The following MTUS2 variants were observed in gnomAD, a reference collection of about 807,000 sequenced individuals.
MTUS2 encodes the protein microtubule-associated tumor suppressor candidate 2.
In MTUS2, 40 loss-of-function variants were observed where a neutral mutation model predicts 114.1. That is an observed-to-expected ratio of 0.35 (90% confidence interval 0.27 to 0.46). MTUS2 has a LOEUF of 0.46. Ranked by LOEUF, MTUS2 falls within the 20% of genes least tolerant of loss-of-function variation. The pLI, the probability that MTUS2 is intolerant of heterozygous loss-of-function variation, is 1.00. For synonymous variants in MTUS2, 688 were observed against 672.0 expected (o/e 1.02, Z -0.37); for missense variants, 1,679 against 1,705.4 (o/e 0.98, Z 0.27).
chr13:29,504,015 T>C lies in MTUS2; in HGVS notation c.*809T>C, dbSNP rs1883078133. On this transcript the variant is annotated 3_prime_UTR_variant, in exon 16 of 16. Coordinates refer to ENST00000612955, the MANE Select transcript of MTUS2 (RefSeq NM_001033602.4). ...GACAGTGACTCATCTCTGATAGTCTTGTAAACACAAGTTTTGCTTTTTTCC... is the reference window on the plus strand; with the variant it reads ...GACAGTGACTCATCTCTGATAGTCTCGTAAACACAAGTTTTGCTTTTTTCC... 8.6e-6 allele frequency: 2 copies of C among 232,004 alleles called. No individual in the cohort carries two copies. The highest frequency in any genetic ancestry group is 1.7e-5 in the Non-Finnish European group (2 of 117,282). The allele number at this position is 232,004 out of a possible 1,614,324, so 14.4% of individuals were successfully genotyped here. A position where few individuals can be genotyped will look rare whatever the true frequency, so the allele number is the denominator to read the frequency against.
intron 2 of MTUS2, among the ~76,000 whole-genome samples, chr13:29,009,280 C>T (rs919656086): frequency 6.6e-6 from 1 of 151,980 alleles, no homozygotes; most frequent in Non-Finnish European, 1.5e-5. Context: ...GAATACTACT[C>T]AGCAATAAAG....
chr13:29,469,078 G>C (rs932695943), intron 9 of MTUS2, among the ~76,000 whole-genome samples: 1 of 152,186 alleles, frequency 6.6e-6, no homozygotes, highest in African/African-American at 2.4e-5. Context: ...TACTGAAGGT[G>C]CCCAACCTCC....
intron 6 of MTUS2, among the ~76,000 whole-genome samples, chr13:29,302,818 T>C (rs958714214): frequency 3.7e-4 from 57 of 152,238 alleles, no homozygotes; most frequent in African/African-American, 1.4e-3. Flanking sequence ...ACTGCTTCTT[T>C]GGGTGGATCC....
chr13:29,214,319 C>T (rs1332628617), intron 5 of MTUS2, among the ~76,000 whole-genome samples: 2 of 152,046 alleles, frequency 1.3e-5, no homozygotes, highest in African/African-American at 4.8e-5. Flanking sequence ...CCAATTTGCC[C>T]CAGTCTCTGT....
intron 7 of MTUS2, among the ~76,000 whole-genome samples, chr13:29,329,259 C>A (rs1425019502): frequency 6.6e-6 from 1 of 152,050 alleles, no homozygotes; most frequent in African/African-American, 2.4e-5. Flanking sequence ...TTAGGTATTT[C>A]TCCTAATGCT....
At chr13:29,483,354 A>G (rs1234883856) in intron 10 of MTUS2, among the ~76,000 whole-genome samples, 3 of 152,226 alleles carry the variant, frequency 2.0e-5, no homozygotes, top group Non-Finnish European at 4.4e-5. Context: ...CTCCGTCGTG[A>G]CAAAGCCAGC....
intron 2 of MTUS2, among the ~76,000 whole-genome samples, chr13:28,907,382 G>T (rs997153430): frequency 6.6e-6 from 1 of 151,472 alleles, no homozygotes; most frequent in Non-Finnish European, 1.5e-5. Flanking sequence ...ATAATGAGAG[G>T]CTCAAATTCA....
At chr13:28,891,584 T>C (rs1878925869) in intron 2 of MTUS2, among the ~76,000 whole-genome samples, 2 of 151,838 alleles carry the variant, frequency 1.3e-5, no homozygotes, top group East Asian at 3.9e-4. Context: ...ATGAAATAAA[T>C]AAGAATAACA....
Position 29,024,834 on chromosome 13 carries a change from T to C in MTUS2, c.136T>C (p.Ser46Pro). Residue 46 changes from serine (S) to proline (P), a missense_variant, in exon 3 of 16, where the codon TCC (serine) becomes CCC (proline). Around this residue, in one of 3 missense-constraint regions of MTUS2, gnomAD observed 843 missense variants for 770.8 expected, o/e 1.09. Transcript: ENST00000612955. Reference protein sequence around the residue: ...NANQIMLEVSSSHDESKTCDL... With the variant: ...NANQIMLEVSPSHDESKTCDL... The stretch of plus-strand genomic sequence containing the variant: ...CAATCAAATCATGTTGGAGGTCAGC[T>C]CCTCTCATGACGAGTCCAAGACATG... The C allele has an allele frequency of 6.2e-7, 1 of 1,613,956 alleles. No homozygotes were observed. Among genetic ancestry groups the C allele is most frequent in the Non-Finnish European group, 8.5e-7 (1 of 1,179,880 alleles).
In MTUS2 at chr13:29,435,635, C is replaced by G. The variant is rs973333124; in HGVS notation, c.3118-4348C>G. The stretch of plus-strand genomic sequence containing the variant: ...AGTAAATGGAAGATTCCTTTAAGTT[C>G]ACTCTTGCCTAAGGAACAGTGTTCC... On this transcript the variant is annotated intron_variant, in intron 8 of 15. Coordinates refer to ENST00000612955, the MANE Select transcript of MTUS2 (RefSeq NM_001033602.4). Among the ~76,000 whole-genome samples, 9 of 152,210 alleles carry G rather than the reference C, an allele frequency of 5.9e-5. No homozygotes were observed. The South Asian group carries it at 1.9e-3, about 32-fold the overall frequency.
intron 5 of MTUS2, among the ~76,000 whole-genome samples, chr13:29,152,299 T>A (rs1449678950): frequency 6.6e-6 from 1 of 152,154 alleles, no homozygotes; most frequent in Non-Finnish European, 1.5e-5. Context: ...TTAAAAATAA[T>A]CTGGAATATT....
chr13:28,893,369 C>A (rs1879045596), intron 2 of MTUS2, among the ~76,000 whole-genome samples: 1 of 152,128 alleles, frequency 6.6e-6, no homozygotes, highest in Non-Finnish European at 1.5e-5. Context: ...CATTCTGTCT[C>A]CAGTTTAATA....
intron 2 of MTUS2, among the ~76,000 whole-genome samples, chr13:28,894,615 A>G (rs751155799): frequency 2.0e-5 from 3 of 152,252 alleles, no homozygotes; most frequent in African/African-American, 4.8e-5. Context: ...ACTTAGGACA[A>G]CTGAGGGTTT....
intron 6 of MTUS2, among the ~76,000 whole-genome samples, chr13:29,310,975 C>G (rs867173249): frequency 1.3e-5 from 2 of 152,184 alleles, no homozygotes; most frequent in Non-Finnish European, 2.9e-5. Context: ...GTGGGAGCAA[C>G]TCAAACTTTC....
At chr13:28,923,885 C>T (rs369792227) in intron 2 of MTUS2, among the ~76,000 whole-genome samples, 247 of 152,154 alleles carry the variant, frequency 1.6e-3, no homozygotes, top group African/African-American at 5.6e-3. Context: ...AGGGTCAGAC[C>T]CTGGATACTT....
At chr13:28,831,125 G>A (rs1874643415) in intron 1 of MTUS2, among the ~76,000 whole-genome samples, 1 of 149,146 alleles carries the variant, frequency 6.7e-6, no homozygotes, top group South Asian at 2.1e-4. Flanking sequence ...ATATAAAAGA[G>A]TACAAACCAC....
intron 9 of MTUS2, among the ~76,000 whole-genome samples, chr13:29,467,402 C>T (rs1479066972): frequency 6.6e-6 from 1 of 152,136 alleles, no homozygotes; most frequent in African/African-American, 2.4e-5. Context: ...TAGAAAATGA[C>T]CACTGCAATC....
chr13:29,037,069 T>A (rs1173316853), intron 4 of MTUS2, among the ~76,000 whole-genome samples: 1 of 152,194 alleles, frequency 6.6e-6, no homozygotes, highest in African/African-American at 2.4e-5. Context: ...TGGCTGGTTA[T>A]TTTGCCTGTT....
intron 2 of MTUS2, among the ~76,000 whole-genome samples, chr13:28,903,385 G>C (rs1879766458): frequency 6.7e-6 from 1 of 149,996 alleles, no homozygotes; most frequent in Admixed American, 6.6e-5. Context: ...TTAGCATTAG[G>C]TATATCTCCT....
Sources: gnomAD v4.1 joint callset for allele counts (sites outside exome capture counted in the v4.1 genomes callset) on GRCh38, gnomAD v4.1.1 for gene constraint, gnomAD v4.1.1 regional missense constraint, MANE v1.5 for transcripts, NCBI Gene and HGNC (gene_info 2026-07-23, HGNC 2026-07-21) for gene names.